SI: variants seen among roughly 807,000 people sequenced by gnomAD.
SI encodes sucrase-isomaltase, intestinal.
A neutral mutation model predicts 253.3 loss-of-function variants in SI; 235 were observed. The ratio of observed to expected loss-of-function variants is 0.93; its 90% CI spans 0.83 to 1.03. SI has a LOEUF of 1.03. SI is among the 50% of genes least tolerant of loss of function. SI has a pLI of 0.00. For missense variants in SI, 2,442 were observed against 2,211.1 expected, an observed-to-expected ratio of 1.10 and a Z score of -2.09; for synonymous variants, 819 against 712.0, an observed-to-expected ratio of 1.15 and a Z score of -2.39.
At chr3:165,045,767 T>C (rs1364706168) in intron 16 of SI, among the ~76,000 whole-genome samples, 1 of 121,978 alleles carries the variant, frequency 8.2e-6, no homozygotes, top group Non-Finnish European at 1.7e-5. Flanking sequence ...TGTTAACAGT[T>C]AATTCTTAGG....
chr3:165,023,542 G>T, intron 26 of SI, 28 bp downstream of exon 26: 3 of 1,483,116 alleles, frequency 2.0e-6, no homozygotes, highest in Non-Finnish European at 2.8e-6. Context: ...GATGAGTTAA[G>T]CTTTGGGGTA....
At position 164,992,177 on chromosome 3, in the gene SI, T is replaced by C; in HGVS notation, c.4983A>G (p.Thr1661=). 1.2e-6 allele frequency: 2 copies of C among 1,609,642 alleles called. No individual in the cohort carries two copies. The highest frequency in any genetic ancestry group is 1.7e-6 in the Non-Finnish European group (2 of 1,177,630). ...TCCCCAGAATTCCTTAAATACTTAC[T>C]GTATGGTAGTCAAACCACCGAGCAT... ...VPNARWFDYH[T]GKDIGVRGQF... The change falls in exon 43 of 48, where the codon ACA becomes ACG. Residue 1661 remains threonine (T), a splice_region_variant and synonymous_variant. Coordinates refer to ENST00000264382, the MANE Select transcript of SI (RefSeq NM_001041.4).
At chr3:164,996,484 A>C (rs1559981684) in intron 40 of SI, 51 bp downstream of exon 40, 1 of 979,836 alleles carries the variant, frequency 1.0e-6, no homozygotes, top group Non-Finnish European at 1.7e-6. Context: ...AAGTATAATG[A>C]AGCATAGCCC....
Position 164,996,624 on chromosome 3 carries a change from T to A in SI, c.4603A>T (p.Asn1535Tyr). The A allele has an allele frequency of 6.2e-7, 1 of 1,606,638 alleles. No individual in the cohort carries two copies. The highest frequency in any genetic ancestry group is 8.5e-7 in the Non-Finnish European group (1 of 1,173,938). Residue 1535 changes from asparagine (N) to tyrosine (Y), a missense_variant, in exon 40 of 48, where the codon AAC becomes TAC. Asn to Tyr is a moderately radical substitution (Grantham distance 143). Transcript: ENST00000264382. The part of the protein sequence containing the change: ...YTGADICGFF[N>Y]NSEYHLCTRW... The stretch of plus-strand genomic sequence containing the variant: ...GTACAGAGATGATATTCTGAGTTGT[T>A]GAAAAAACCACAGATGTCTGCTCCA...
the SI span, among the ~76,000 whole-genome samples, chr3:165,090,145 T>C: frequency 1.0e-5 from 1 of 97,912 alleles, no homozygotes. Context: ...TTACTGCATT[T>C]ATTTAAAAAA....
At chr3:165,060,086 A>T in intron 9 of SI, 59 bp from the exon 10 acceptor site, 6 of 1,456,570 alleles carry the variant, frequency 4.1e-6, no homozygotes, top group Non-Finnish European at 5.7e-6. Flanking sequence ...TAGCATTAAT[A>T]ACCAAGGTTA....
At position 165,046,838 on chromosome 3, in the gene SI, T is replaced by C; in HGVS notation, c.1887+3A>G. The C allele has an allele frequency of 6.2e-7, 1 of 1,610,130 alleles. No individual in the cohort carries two copies. The highest frequency in any genetic ancestry group is 8.5e-7 in the Non-Finnish European group (1 of 1,176,716). ...TGAGTAACACTCTATGAAACTGTCT[T>C]ACCAAAGGTATTCCAAACAAACTGA... On this transcript the variant is annotated splice_donor_region_variant and intron_variant, in intron 16 of 47. Coordinates refer to ENST00000264382, the MANE Select transcript of SI (RefSeq NM_001041.4).
At chr3:165,082,295 C>G (rs779719768), upstream of SI, among the ~76,000 whole-genome samples, 1 of 151,844 alleles carries the variant, frequency 6.6e-6, no homozygotes, top group African/African-American at 2.4e-5. Flanking sequence ...GTGTCTCATA[C>G]GTAATTCTAT....
At chr3:165,059,523 A>G (rs1442775638) in intron 10 of SI, among the ~76,000 whole-genome samples, 1 of 152,030 alleles carries the variant, frequency 6.6e-6, no homozygotes, top group Non-Finnish European at 1.5e-5. Context: ...TGTCAGTGAT[A>G]ATGACTAGAA....
upstream of SI, among the ~76,000 whole-genome samples, chr3:165,082,181 A>G (rs566754988): frequency 1.3e-5 from 2 of 152,038 alleles, no homozygotes; most frequent in South Asian, 2.1e-4. Flanking sequence ...CTCTATCTCA[A>G]TTGATATCTT....
intron 28 of SI, among the ~76,000 whole-genome samples, chr3:165,019,059 G>T (rs1201235067): frequency 2.6e-5 from 4 of 151,570 alleles, no homozygotes; most frequent in Non-Finnish European, 5.9e-5. Context: ...ATTATTTGTT[G>T]CACAGTACAT....
At chr3:165,007,103 A>C in intron 36 of SI, 149 bp from the exon 37 acceptor site, 1 of 618,630 alleles carries the variant, frequency 1.6e-6, no homozygotes, top group Non-Finnish European at 2.7e-6. Flanking sequence ...ACTTTGTATG[A>C]GTTAATTATC....
intron 34 of SI, among the ~76,000 whole-genome samples, chr3:165,010,359 C>T (rs1034363228): frequency 6.6e-6 from 1 of 152,080 alleles, no homozygotes; most frequent in Non-Finnish European, 1.5e-5. Context: ...CGGGGTTTCA[C>T]CATGTTGGTC....
rs78380226 is a variant in SI, at chr3:165,037,309, A to G, written c.2426+591T>C. 9.0e-3 allele frequency among the ~76,000 whole-genome samples: 1,370 copies of G among 152,064 alleles called. 7 individuals carry two copies. The highest frequency in any genetic ancestry group is 0.02 in the Middle Eastern group (6 of 294). On this transcript the variant is annotated intron_variant, in intron 21 of 47. Transcript: ENST00000264382. ...CCTGTTGGGTTGTGGCAGAATAGGG[A>G]AAAGTATGTAAATTCAATACGGCAC...
intron 34 of SI, among the ~76,000 whole-genome samples, chr3:165,011,930 G>T (rs1026595320): frequency 6.6e-6 from 1 of 151,720 alleles, no homozygotes; most frequent in East Asian, 1.9e-4. Context: ...TATAATCATC[G>T]TATCTTCCTA....
intron 12 of SI, among the ~76,000 whole-genome samples, chr3:165,058,383 GA>G (rs1377008600): frequency 6.6e-6 from 1 of 151,504 alleles, no homozygotes; most frequent in Non-Finnish European, 1.5e-5. Flanking sequence ...TAAAGAACTA[GA>G]AAAGCAAGAG....
intron 47 of SI, among the ~76,000 whole-genome samples, chr3:164,979,668 A>C (rs561391797): frequency 6.6e-6 from 1 of 151,880 alleles, no homozygotes; most frequent in Non-Finnish European, 1.5e-5. Context: ...GTCAAAAGAT[A>C]CTGAAAAACC....
At chr3:165,069,967 A>G (rs1714452803) in intron 3 of SI, among the ~76,000 whole-genome samples, 2 of 150,624 alleles carry the variant, frequency 1.3e-5, no homozygotes, top group South Asian at 2.1e-4. Context: ...ATAAGTTTTT[A>G]AAAGCCTCCA....
intron 26 of SI, among the ~76,000 whole-genome samples, chr3:165,023,088 T>C (rs1262461200): frequency 6.6e-6 from 1 of 151,562 alleles, no homozygotes; most frequent in African/African-American, 2.4e-5. Flanking sequence ...ATTTTACATC[T>C]AGTTATTTTG....
Sources: gnomAD v4.1 joint callset for allele counts (sites outside exome capture counted in the v4.1 genomes callset) on GRCh38, gnomAD v4.1.1 for gene constraint, MANE v1.5 for transcripts, NCBI Gene and HGNC (gene_info 2026-07-23, HGNC 2026-07-21) for gene names.